The following RBL2 variants were observed in gnomAD, a reference collection of about 807,000 sequenced individuals.
The protein encoded by RBL2 is retinoblastoma-like protein 2.
RBL2 carries 56 observed loss-of-function variants against 126.0 expected under a neutral mutation model. The observed-to-expected ratio is 0.44, with a 90% CI of 0.36 to 0.56. RBL2 has a LOEUF of 0.56. RBL2 is among the 20% of genes least tolerant of loss of function. The pLI, the probability that RBL2 is intolerant of heterozygous loss-of-function variation, is 0.00. For synonymous variants in RBL2, 454 were observed against 478.5 expected (o/e 0.95, Z 0.67); for missense variants, 1,229 against 1,398.2 (o/e 0.88, Z 1.93).
chr16:53,462,082 A>G (rs988236463), intron 10 of RBL2, among the ~76,000 whole-genome samples: 1 of 152,182 alleles, frequency 6.6e-6, no homozygotes, highest in Non-Finnish European at 1.5e-5. Flanking sequence ...TTTATCTGCA[A>G]ATCTTTAGGT....
At chr16:53,466,481 T>C (rs1229282653) in intron 13 of RBL2, among the ~76,000 whole-genome samples, 1 of 151,870 alleles carries the variant, frequency 6.6e-6, no homozygotes, top group East Asian at 1.9e-4. Flanking sequence ...GTGGGAGCCC[T>C]GAGCTTGTTT....
chr16:53,450,226 A>AAT (rs2058102282), intron 4 of RBL2, among the ~76,000 whole-genome samples: 1 of 152,000 alleles, frequency 6.6e-6, no homozygotes, highest in South Asian at 2.1e-4. Context: ...TAGTTCATTT[A>AAT]AGTTGATTTG....
chr16:53,487,986 G>T (rs767998525), intron 21 of RBL2: 1 of 152,182 alleles, frequency 6.6e-6, no homozygotes, highest in Non-Finnish European at 1.5e-5. Flanking sequence ...ACGCAAAATG[G>T]CATCGCCACT....
rs561209427 is a variant in RBL2 at position 53,439,247 on chromosome 16, G to T, written c.371+101G>T. On this transcript the variant is annotated intron_variant, in intron 2 of 21. Transcript: ENST00000262133. ...TCTGTTTATCATTTTCTGAGCATTT[G>T]TACCTGTGGACTGGTGAAATTAGAT... 5 of 1,135,160 alleles carry T rather than the reference G, an allele frequency of 4.4e-6. No homozygotes were observed. The Admixed American group carries it at 1.5e-4, about 33-fold the overall frequency. 70.3% of individuals were successfully genotyped at this position (1,135,160 alleles called of 1,614,324 possible).
intron 14 of RBL2, 22 bp from the exon 15 acceptor site, chr16:53,469,890 CTTTG>C (rs1288983588): frequency 3.3e-6 from 5 of 1,513,110 alleles, no homozygotes; most frequent in Non-Finnish European, 4.4e-6. Context: ...GAGTTAAATG[CTTTG>C]TTTGATTTGT....
chr16:53,463,709 A>G (rs1255992901), intron 11 of RBL2, among the ~76,000 whole-genome samples: 1 of 151,520 alleles, frequency 6.6e-6, no homozygotes, highest in Non-Finnish European at 1.5e-5. Flanking sequence ...CTGGGACTAC[A>G]GGTGTGTGCC....
rs964048028 is a variant in RBL2, at chr16:53,491,466, T to C, written c.*1166T>C. 24 of 152,560 alleles carry C rather than the reference T, an allele frequency of 1.6e-4. No individual in the cohort carries two copies. The highest frequency in any genetic ancestry group is 2.2e-4 in the Non-Finnish European group (15 of 68,022). The allele number at this position is 152,560 out of a possible 1,614,324, so 9.5% of individuals were successfully genotyped here. A position where few individuals can be genotyped will look rare whatever the true frequency, so the allele number is the denominator to read the frequency against. Reference sequence around the variant, plus strand: ...TAATCTTATTAGGGAGAAAATTCAATTGTAAATTGAATCAGTATAAACAAA... The same window carrying C: ...TAATCTTATTAGGGAGAAAATTCAACTGTAAATTGAATCAGTATAAACAAA... On this transcript the variant is annotated 3_prime_UTR_variant, in exon 22 of 22. Coordinates refer to ENST00000262133, the MANE Select transcript of RBL2 (RefSeq NM_005611.4).
At chr16:53,443,383 T>C (rs189607650) in intron 3 of RBL2, 11 of 152,360 alleles carry the variant, frequency 7.2e-5, no homozygotes, top group African/African-American at 2.4e-4. Flanking sequence ...TACTAGTGAT[T>C]ATATAGACTA....
intron 8 of RBL2, among the ~76,000 whole-genome samples, chr16:53,456,497 G>A (rs932628444): frequency 3.3e-5 from 5 of 152,154 alleles, no homozygotes; most frequent in East Asian, 3.9e-4. Context: ...AGGATTTACC[G>A]AGGGTTTGTA....
intron 12 of RBL2, chr16:53,464,746 T>G (rs1278753450): frequency 6.4e-6 from 1 of 156,914 alleles, no homozygotes; most frequent in Non-Finnish European, 1.4e-5. Context: ...AAAAGTTCTC[T>G]TTCATGTGTT....
intron 7 of RBL2, 21 bp downstream of exon 7, chr16:53,453,790 T>C: frequency 1.3e-6 from 2 of 1,547,168 alleles, no homozygotes; most frequent in Non-Finnish European, 1.8e-6. Context: ...CTGTATAAAA[T>C]GTTTTAATAT....
chr16:53,464,109 C>A, intron 11 of RBL2, 117 bp from the exon 12 acceptor site: 1 of 790,918 alleles, frequency 1.3e-6, no homozygotes, highest in Non-Finnish European at 1.9e-6. Context: ...TAAGGACACA[C>A]TTTGCACTCA....
In RBL2 at chr16:53,481,764, C is replaced by T; in HGVS notation, c.3178C>T (p.Pro1060Ser). The T allele has an allele frequency of 6.3e-7, 1 of 1,596,104 alleles. No homozygotes were observed. The change falls in exon 21 of 22, where the codon CCA (proline) becomes TCA (serine). Residue 1060 changes from proline to serine, a missense_variant. Coordinates refer to ENST00000262133, the MANE Select transcript of RBL2 (RefSeq NM_005611.4). ...TCAAAATCATCCTGTCTACATTTCC[C>T]CACATAAAAATGAAACAATGCTTTC... ...LSQNHPVYIS[P>S]HKNETMLSPR...
In RBL2 at chr16:53,439,182, T is replaced by C. The variant is rs935632245; in HGVS notation, c.371+36T>C. ...TAGAGTTTGACAAGTAGAGTATGGC[T>C]AATGTAAGCTCATAAATCATAGTGA... On this transcript the variant is annotated intron_variant, in intron 2 of 21. Coordinates refer to ENST00000262133, the MANE Select transcript of RBL2 (RefSeq NM_005611.4). 4.7e-6 allele frequency: 7 copies of C among 1,503,442 alleles called. No homozygotes were observed. The African/African-American group carries it at 9.9e-5, about 21-fold the overall frequency. 93.1% of individuals were successfully genotyped at this position (1,503,442 alleles called of 1,614,324 possible). A position where few individuals can be genotyped will look rare whatever the true frequency, so the allele number is the denominator to read the frequency against.
chr16:53,444,552 TAATAAATAAATA>T (rs34915161), intron 3 of RBL2, among the ~76,000 whole-genome samples: 7 of 143,232 alleles, frequency 4.9e-5, no homozygotes, highest in African/African-American at 1.0e-4. Flanking sequence ...GACTCCATTT[TAATAAATAAATA>T]AATAAATAAA....
chr16:53,484,479 T>C (rs1428210297), intron 21 of RBL2, among the ~76,000 whole-genome samples: 3 of 152,140 alleles, frequency 2.0e-5, no homozygotes, highest in African/African-American at 7.2e-5. Flanking sequence ...AAAATGTATA[T>C]CCATAAAAGG....
chr16:53,476,340 T>C (rs1472571129), intron 17 of RBL2, among the ~76,000 whole-genome samples: 2 of 152,236 alleles, frequency 1.3e-5, no homozygotes, highest in Non-Finnish European at 2.9e-5. Context: ...TTCATTGTGA[T>C]TGAAAACACA....
intron 5 of RBL2, 42 bp downstream of exon 5, chr16:53,451,873 T>C: frequency 6.2e-7 from 1 of 1,604,018 alleles, no homozygotes; most frequent in Non-Finnish European, 8.5e-7. Context: ...TCTGCGTTTC[T>C]GTGTTATGTT....
rs2057986913 is a variant in RBL2 at position 53,439,037 on chromosome 16, G to A, written c.262G>A (p.Ala88Thr). 1.9e-6 allele frequency: 3 copies of A among 1,599,106 alleles called. No homozygotes were observed. The highest frequency in any genetic ancestry group is 2.3e-5 in the East Asian group (1 of 43,996). Residue 88 changes from alanine (A) to threonine (T), a missense_variant, in exon 2 of 22, where the codon GCA becomes ACA. Ala to Thr is a moderately conservative substitution (Grantham distance 58). Around this residue, in one of 2 missense-constraint regions of RBL2, gnomAD observed 1,070 missense variants for 1,274.3 expected, o/e 0.84. Coordinates refer to ENST00000262133, the MANE Select transcript of RBL2 (RefSeq NM_005611.4). Reference protein sequence around the residue: ...TLEGNDLHWLACALYVACRKS... With the variant: ...TLEGNDLHWLTCALYVACRKS... ...ACAGGGAAATGATCTTCATTGGTTA[G>A]CATGTGCCTTATATGTGGCTTGCAG... is the stretch of plus-strand genomic sequence containing the variant.
Sources: allele counts gnomAD v4.1 joint callset (sites outside exome capture counted in the v4.1 genomes callset), GRCh38; gene constraint gnomAD v4.1.1; regional missense constraint gnomAD v4.1.1; transcripts MANE v1.5; gene names NCBI Gene and HGNC (gene_info 2026-07-23, HGNC 2026-07-21).